Variants in SLC23A2 observed in about 807,000 individuals in gnomAD.
SLC23A2 encodes the protein Na(+)/L-ascorbic acid transporter 2.
A neutral mutation model predicts 73.3 loss-of-function variants in SLC23A2; 36 were observed. That is an observed-to-expected ratio of 0.49 (90% CI 0.38 to 0.65). The LOEUF (loss-of-function observed/expected upper bound fraction) is 0.65. Among genes scored for constraint, SLC23A2 ranks in the 30% least tolerant of loss-of-function variants. The pLI is 0.00. For missense variants in SLC23A2, 507 were observed against 841.6 expected, an observed-to-expected ratio of 0.60 and a Z score of 4.92; for synonymous variants, 343 against 327.3, an observed-to-expected ratio of 1.05 and a Z score of -0.52.
At chr20:4,861,921 T>G in intron 15 of SLC23A2, 27 bp downstream of exon 15, 1 of 1,611,538 alleles carries the variant, frequency 6.2e-7, no homozygotes, top group Non-Finnish European at 8.5e-7. Flanking sequence ...CAGCTCCCAC[T>G]CCAAGATGTA....
intron 6 of SLC23A2, among the ~76,000 whole-genome samples, chr20:4,895,899 A>G (rs1931500119): frequency 6.6e-6 from 1 of 152,146 alleles, no homozygotes; most frequent in South Asian, 2.1e-4. Context: ...GCTGGATGGG[A>G]ACAGCGCATA....
At chr20:4,944,149 A>T (rs1046610981) in intron 2 of SLC23A2, among the ~76,000 whole-genome samples, 2 of 152,214 alleles carry the variant, frequency 1.3e-5, no homozygotes, top group Non-Finnish European at 2.9e-5. Flanking sequence ...TAAAAGAATT[A>T]AAAAACCCTG....
intron 1 of SLC23A2, among the ~76,000 whole-genome samples, chr20:4,973,319 G>A (rs2087593539): frequency 6.6e-6 from 1 of 152,196 alleles, no homozygotes; most frequent in Admixed American, 6.5e-5. Flanking sequence ...ACGGCTCCAT[G>A]AGGGCAAAGT....
At chr20:4,950,631 G>GC (rs2087186299) in intron 2 of SLC23A2, among the ~76,000 whole-genome samples, 1 of 152,130 alleles carries the variant, frequency 6.6e-6, no homozygotes, top group Admixed American at 6.5e-5. Context: ...CCAAGCCAGG[G>GC]CCTACCAGGA....
intron 6 of SLC23A2, among the ~76,000 whole-genome samples, chr20:4,893,628 A>G (rs943783142): frequency 1.3e-5 from 2 of 152,178 alleles, no homozygotes; most frequent in Non-Finnish European, 2.9e-5. Flanking sequence ...ACAGGATAGA[A>G]GACAGAGGAA....
chr20:4,854,969 G>A lies in SLC23A2; in HGVS notation c.*2003C>T, dbSNP rs1022157271. 3 of 152,468 alleles carry A rather than the reference G, an allele frequency of 2.0e-5. No individual in the cohort carries two copies. The highest frequency in any genetic ancestry group is 2.0e-4 in the Admixed American group (3 of 15,256). The allele number at this position is 152,468 out of a possible 1,614,324, so 9.4% of individuals were successfully genotyped here. A position where few individuals can be genotyped will look rare whatever the true frequency, so the allele number is the denominator to read the frequency against. On this transcript the variant is annotated 3_prime_UTR_variant, in exon 17 of 17. Transcript: ENST00000338244. ...AAAATCCAAACAGAAGGAACTGAGA[G>A]CAACTCATTGCAGGAGGGCTGCCAG...
chr20:4,923,872 C>T (rs761647061), intron 3 of SLC23A2, among the ~76,000 whole-genome samples: 18 of 152,158 alleles, frequency 1.2e-4, no homozygotes, highest in Non-Finnish European at 2.4e-4. Flanking sequence ...ATGTTCAAAT[C>T]TGTCATCACA....
intron 13 of SLC23A2, among the ~76,000 whole-genome samples, chr20:4,864,386 C>G (rs914527599): frequency 2.5e-4 from 38 of 152,288 alleles, no homozygotes; most frequent in Admixed American, 1.5e-3. Context: ...AGAGCCTGAT[C>G]TGAGGCTGTG....
At chr20:4,944,291 G>A (rs780168421) in intron 2 of SLC23A2, among the ~76,000 whole-genome samples, 14 of 152,158 alleles carry the variant, frequency 9.2e-5, no homozygotes, top group Non-Finnish European at 2.1e-4. Context: ...CCAGGCTGGA[G>A]TGCAGTGGTG....
chr20:4,885,758 A>G, intron 7 of SLC23A2, 63 bp downstream of exon 7: 2 of 1,175,792 alleles, frequency 1.7e-6, no homozygotes, highest in South Asian at 1.2e-5. Flanking sequence ...CAGCACGTCC[A>G]GGCCTCCCTT....
chr20:4,870,219 G>A (rs924588436), intron 11 of SLC23A2, among the ~76,000 whole-genome samples, 166 bp from the exon 12 acceptor site: 2 of 152,210 alleles, frequency 1.3e-5, no homozygotes, highest in African/African-American at 2.4e-5. Context: ...AGATGCCTGG[G>A]ACAGTTGCTA....
intron 3 of SLC23A2, among the ~76,000 whole-genome samples, chr20:4,922,334 AG>A (rs1282334417): frequency 1.3e-5 from 2 of 152,208 alleles, no homozygotes; most frequent in African/African-American, 4.8e-5. Flanking sequence ...CGATGATCCC[AG>A]GAAGAACTGA....
At chr20:4,995,353 C>T (rs1432343964) in intron 1 of SLC23A2, among the ~76,000 whole-genome samples, 6 of 152,152 alleles carry the variant, frequency 3.9e-5, no homozygotes, top group African/African-American at 1.2e-4. Flanking sequence ...CCTCCCAGTG[C>T]ACCCTTTACT....
In SLC23A2 at chr20:4,874,155, C is replaced by T. The variant is rs996208590; in HGVS notation, c.946-63G>A. 4.0e-6 allele frequency: 6 copies of T among 1,517,058 alleles called. No individual in the cohort carries two copies. In the South Asian group the frequency reaches 4.9e-5, roughly 12 times the overall value. 94.0% of individuals were successfully genotyped at this position (1,517,058 alleles called of 1,614,324 possible). A position where few individuals can be genotyped will look rare whatever the true frequency, so the allele number is the denominator to read the frequency against. On this transcript the variant is annotated intron_variant, in intron 10 of 16. Coordinates refer to ENST00000338244, the MANE Select transcript of SLC23A2 (RefSeq NM_005116.6). ...GGCTCACAGGTGTTGGCAAAAAACACGTCTTCCCGCGGTCGGAATATCACA... is the reference window on the plus strand; with the variant it reads ...GGCTCACAGGTGTTGGCAAAAAACATGTCTTCCCGCGGTCGGAATATCACA...
rs137928644 is a variant in SLC23A2, at chr20:4,926,375, C to T, written c.108+6080G>A. Reference sequence around the variant, plus strand: ...TGCCTGTGCCAACAGGAAGTTTGGGCTGTTAACTGGGCTTCCAGGTTTAGG... The same window carrying T: ...TGCCTGTGCCAACAGGAAGTTTGGGTTGTTAACTGGGCTTCCAGGTTTAGG... On this transcript the variant is annotated intron_variant, in intron 3 of 16. Transcript: ENST00000338244. Among the ~76,000 whole-genome samples the T allele has an allele frequency of 6.1e-3, 930 of 152,298 alleles. 12 individuals are homozygous for T. Among genetic ancestry groups the T allele is most frequent in the African/African-American group, 0.02 (842 of 41,566 alleles).
chr20:4,883,624 G>C lies in SLC23A2; in HGVS notation c.824+18C>G. The C allele has an allele frequency of 6.3e-7, 1 of 1,587,994 alleles. No homozygotes were observed. Among genetic ancestry groups the C allele is most frequent in the Non-Finnish European group, 8.6e-7 (1 of 1,162,480 alleles). On this transcript the variant is annotated intron_variant, in intron 9 of 16. Coordinates refer to ENST00000338244, the MANE Select transcript of SLC23A2 (RefSeq NM_005116.6). This position sits in a 1 kb window ranked among gnomAD's most constrained non-coding sequence, Gnocchi z 4.5. The stretch of plus-strand genomic sequence containing the variant: ...GCTGCCCCGCAGTGGTGGGATGAGG[G>C]GAGATGTTTCCACTTACAGCATGGC...
In SLC23A2 at chr20:4,856,589, G is replaced by A. The variant is rs560840935; in HGVS notation, c.*383C>T. ...ACAAGGAAACAGGTCCAGGGGCTTC[G>A]GAGAGAGAGAGAAAGCCCCTGGACC... On this transcript the variant is annotated 3_prime_UTR_variant, in exon 17 of 17. Transcript: ENST00000338244. The surrounding 1 kb of genome is among the most constrained non-coding windows in gnomAD (Gnocchi z 4.6). 2.7e-4 allele frequency: 47 copies of A among 174,428 alleles called. No homozygotes were observed. The South Asian group carries it at 4.4e-3, about 16-fold the overall frequency. 10.8% of individuals were successfully genotyped at this position (174,428 alleles called of 1,614,324 possible).
At chr20:4,979,356 A>G (rs2087691969) in intron 1 of SLC23A2, among the ~76,000 whole-genome samples, 1 of 152,026 alleles carries the variant, frequency 6.6e-6, no homozygotes, top group African/African-American at 2.4e-5. Context: ...AACAGACATT[A>G]TGTGTACCCA....
chr20:4,938,276 C>T (rs2086990796), intron 2 of SLC23A2, among the ~76,000 whole-genome samples: 1 of 151,762 alleles, frequency 6.6e-6, no homozygotes. Context: ...CCTCAGCCTC[C>T]CAAAGTGCAG....
Sources: gnomAD v4.1 joint callset for allele counts (sites outside exome capture counted in the v4.1 genomes callset) on GRCh38, gnomAD v4.1.1 for gene constraint, Gnocchi (gnomAD v3.1) non-coding constraint, MANE v1.5 for transcripts, NCBI Gene and HGNC (gene_info 2026-07-23, HGNC 2026-07-21) for gene names.